The following SH3BP4 variants were observed in gnomAD, a reference collection of about 807,000 sequenced individuals.
SH3BP4 encodes the protein SH3 domain-binding protein 4.
A neutral mutation model predicts 65.5 loss-of-function variants in SH3BP4; 33 were observed. The observed-to-expected ratio is 0.50, with a 90% CI of 0.38 to 0.67. SH3BP4 has a LOEUF of 0.67. Ranked by LOEUF, SH3BP4 falls within the 30% of genes least tolerant of loss-of-function variation. The pLI is 0.00. For missense variants in SH3BP4, 1,134 were observed against 1,261.4 expected (o/e 0.90, Z 1.53); for synonymous variants, 552 against 545.5 (o/e 1.01, Z -0.17).
chr2:235,038,211 AAT>A (rs1218168768), intron 3 of SH3BP4, among the ~76,000 whole-genome samples: 5 of 121,174 alleles, frequency 4.1e-5, no homozygotes, highest in African/African-American at 6.3e-5. Context: ...ACATATATAT[AAT>A]ATATATATAA....
chr2:234,983,401 G>C (rs1261319479), intron 1 of SH3BP4: 1 of 152,242 alleles, frequency 6.6e-6, no homozygotes, highest in African/African-American at 2.4e-5. Context: ...CATGGAGCCT[G>C]TTCTGGTGGG....
chr2:235,038,376 C>CATATAT (rs1177080438), intron 3 of SH3BP4, among the ~76,000 whole-genome samples: 42 of 12,322 alleles, frequency 3.4e-3, no homozygotes, highest in Non-Finnish European at 4.1e-3. Flanking sequence ...AATATATATA[C>CATATAT]ATATATATAT....
At position 235,030,280 on chromosome 2, in the gene SH3BP4, G is replaced by A. The variant is rs1049413984; in HGVS notation, c.-132-4591G>A. 6.6e-6 allele frequency among the ~76,000 whole-genome samples: 1 copy of A among 152,168 alleles called. No individual in the cohort carries two copies. Among genetic ancestry groups the A allele is most frequent in the African/African-American group, 2.4e-5 (1 of 41,432 alleles). On this transcript the variant is annotated intron_variant, in intron 2 of 5. Transcript: ENST00000392011. The surrounding 1 kb of genome is among the most constrained non-coding windows in gnomAD (Gnocchi z 4.1). ...CGAAGGCCTGAGCAACTCTGGGCGTGGGAAGAAATAGTTAGCAAGACTGGG... is the reference window on the plus strand; with the variant it reads ...CGAAGGCCTGAGCAACTCTGGGCGTAGGAAGAAATAGTTAGCAAGACTGGG...
chr2:235,029,123 C>G (rs530304804), intron 2 of SH3BP4, among the ~76,000 whole-genome samples: 2 of 152,332 alleles, frequency 1.3e-5, no homozygotes, highest in African/African-American at 4.8e-5. Context: ...ACTGTAATTG[C>G]ATCGAGAGAT....
intron 1 of SH3BP4, among the ~76,000 whole-genome samples, chr2:234,972,728 AAAAT>A (rs1378446340): frequency 2.0e-5 from 3 of 152,214 alleles, no homozygotes; most frequent in Admixed American, 6.5e-5. Flanking sequence ...TTGTTAAAAA[AAAAT>A]AAATAAAGCT....
chr2:235,025,697 T>A (rs1694978877), intron 2 of SH3BP4, among the ~76,000 whole-genome samples: 1 of 152,206 alleles, frequency 6.6e-6, no homozygotes, highest in South Asian at 2.1e-4. Flanking sequence ...ACAAGCACGA[T>A]GAACAGTGCG....
chr2:234,984,720 C>T (rs769347051), intron 1 of SH3BP4, among the ~76,000 whole-genome samples: 7 of 152,130 alleles, frequency 4.6e-5, no homozygotes, highest in East Asian at 3.9e-4. Context: ...GTGCCTGTGT[C>T]GTGGACAGAA....
rs200491683 is a variant in SH3BP4, at chr2:235,035,031, A to T, written c.29A>T (p.Asn10Ile). 9 of 1,613,958 alleles carry T rather than the reference A, an allele frequency of 5.6e-6. 1 individual carries two copies. Among genetic ancestry groups the T allele is most frequent in the Middle Eastern group, 3.3e-4 (2 of 6,084 alleles). ...GCGGCTCAGCGGATCCGAGCGGCCA[A>T]CTCCAATGGCCTCCCTCGCTGCAAG... MAAQRIRAA[N>I]SNGLPRCKSE... is the part of the protein sequence containing the mutation. The change falls in exon 3 of 6, where the codon AAC (asparagine) becomes ATC (isoleucine). Residue 10 changes from asparagine (N) to isoleucine (I), a missense_variant. Asn to Ile is a moderately radical substitution (Grantham distance 149). Coordinates refer to ENST00000392011, the MANE Select transcript of SH3BP4 (RefSeq NM_014521.3). The surrounding 1 kb of genome is among the most constrained non-coding windows in gnomAD (Gnocchi z 5.0).
Position 234,974,289 on chromosome 2 carries a change from C to T in SH3BP4, c.-206-21014C>T, listed in dbSNP as rs780861367. On this transcript the variant is annotated intron_variant, in intron 1 of 5. Transcript: ENST00000392011. This position sits in a 1 kb window ranked among gnomAD's most constrained non-coding sequence, Gnocchi z 4.6. ...CTGAAGCAGGAGAATCACTTGAACC[C>T]GGGAGGCTGGGGTTGCAGTGAGCCA... Among the ~76,000 whole-genome samples, 5 of 152,114 alleles carry T rather than the reference C, an allele frequency of 3.3e-5. No homozygotes were observed. Among genetic ancestry groups the T allele is most frequent in the East Asian group, 1.9e-4 (1 of 5,154 alleles).
intron 2 of SH3BP4, among the ~76,000 whole-genome samples, chr2:235,019,052 G>T (rs939314544): frequency 6.6e-6 from 1 of 152,238 alleles, no homozygotes; most frequent in Non-Finnish European, 1.5e-5. Flanking sequence ...GGGTCCTGGG[G>T]CAGGAACAGT....
intron 3 of SH3BP4, among the ~76,000 whole-genome samples, chr2:235,038,376 C>CATATATACAT (rs1695510151): frequency 8.1e-5 from 1 of 12,364 alleles, no homozygotes; most frequent in African/African-American, 3.6e-4. Context: ...AATATATATA[C>CATATATACAT]ATATATATAT....
Position 235,042,764 on chromosome 2 carries a change from G to A in SH3BP4, c.1995G>A (p.Val665=), listed in dbSNP as rs144527478. The A allele has an allele frequency of 9.7e-5, 156 of 1,614,172 alleles. No individual in the cohort carries two copies. The African/African-American group carries it at 1.7e-3, about 17-fold the overall frequency. ...AGTTTGGTAAGTTGCTCAAGACTGT[G>A]GTGCGGCAGAACAAGAACCACTACC... is the stretch of plus-strand genomic sequence containing the variant. The part of the protein sequence containing the change: ...SLKFGKLLKT[V]VRQNKNHYLL... Residue 665 remains valine (V), a synonymous_variant, in exon 4 of 6, where the codon GTG becomes GTA. Transcript: ENST00000392011. The surrounding 1 kb of genome is among the most constrained non-coding windows in gnomAD (Gnocchi z 7.3).
Position 235,052,637 on chromosome 2 carries a change from G to T in SH3BP4, c.2554G>T (p.Glu852Ter). 1 of 1,578,830 alleles carries T rather than the reference G, an allele frequency of 6.3e-7. No homozygotes were observed. Among genetic ancestry groups the T allele is most frequent in the East Asian group, 2.4e-5 (1 of 42,516 alleles). The stretch of plus-strand genomic sequence containing the variant: ...CTTTGTGCTCCTGACCACGGCTGTA[G>T]AGGTGGCCCAGCGCTGGCGGGAGCT... Reference protein sequence around the residue: ...QDFVLLTTAVEVAQRWRELAE... With the variant: ...QDFVLLTTAV The change falls in exon 5 of 6, where the codon GAG becomes TAG. Residue 852 changes from glutamate (E) to a stop codon, truncating the protein, a stop_gained. Transcript: ENST00000392011. LOFTEE classifies it high-confidence loss of function. The surrounding 1 kb of genome is among the most constrained non-coding windows in gnomAD (Gnocchi z 5.0).
Position 235,026,302 on chromosome 2 carries a change from G to A in SH3BP4, c.-132-8569G>A, listed in dbSNP as rs1574830994. ...AACATCTGGAATCATGACTCCAGCC[G>A]CGCTAGCCATCTCACTTTTTACAAT... On this transcript the variant is annotated intron_variant, in intron 2 of 5. Coordinates refer to ENST00000392011, the MANE Select transcript of SH3BP4 (RefSeq NM_014521.3). This position sits in a 1 kb window ranked among gnomAD's most constrained non-coding sequence, Gnocchi z 4.6. 1.3e-5 allele frequency among the ~76,000 whole-genome samples: 2 copies of A among 152,218 alleles called. No individual in the cohort carries two copies. The highest frequency in any genetic ancestry group is 1.5e-5 in the Non-Finnish European group (1 of 68,014).
intron 2 of SH3BP4, among the ~76,000 whole-genome samples, chr2:235,012,871 C>T (rs1308253095): frequency 6.6e-6 from 1 of 152,204 alleles, no homozygotes; most frequent in African/African-American, 2.4e-5. Context: ...TACCAAGGAT[C>T]AGGTGAGAAA....
intron 2 of SH3BP4, among the ~76,000 whole-genome samples, chr2:235,027,392 G>C (rs1695036155): frequency 7.4e-6 from 1 of 135,300 alleles, no homozygotes; most frequent in Non-Finnish European, 1.6e-5. Context: ...GGGGTCCAAA[G>C]CTCGGGGTGC....
Position 234,997,650 on chromosome 2 carries a change from A to G in SH3BP4, c.-133+2274A>G, listed in dbSNP as rs1314616926. Among the ~76,000 whole-genome samples, 2 of 152,142 alleles carry G rather than the reference A, an allele frequency of 1.3e-5. No homozygotes were observed. Among genetic ancestry groups the G allele is most frequent in the Admixed American group, 1.3e-4 (2 of 15,278 alleles). On this transcript the variant is annotated intron_variant, in intron 2 of 5. Coordinates refer to ENST00000392011, the MANE Select transcript of SH3BP4 (RefSeq NM_014521.3). This position sits in a 1 kb window ranked among gnomAD's most constrained non-coding sequence, Gnocchi z 4.2. ...AAGGCCTGCCCCTGTGGTTGTTCCC[A>G]CTGTCCCACTGATGGCTGGGAAGGG...
At chr2:234,965,827 A>G (rs1027914954) in intron 1 of SH3BP4, among the ~76,000 whole-genome samples, 1 of 152,230 alleles carries the variant, frequency 6.6e-6, no homozygotes, top group African/African-American at 2.4e-5. Flanking sequence ...ATGATTGCCA[A>G]CTAGGCATGA....
intron 1 of SH3BP4, among the ~76,000 whole-genome samples, chr2:234,959,340 C>T (rs1295465593): frequency 1.3e-5 from 2 of 151,510 alleles, no homozygotes; most frequent in South Asian, 2.1e-4. Context: ...ACAGGAGCCC[C>T]TCAGACACCA....
Sources: gnomAD v4.1 joint callset for allele counts (sites outside exome capture counted in the v4.1 genomes callset) on GRCh38, gnomAD v4.1.1 for gene constraint, Gnocchi (gnomAD v3.1) non-coding constraint, MANE v1.5 for transcripts, NCBI Gene and HGNC (gene_info 2026-07-23, HGNC 2026-07-21) for gene names.